The following DACH2 variants were observed in gnomAD, a reference collection of about 807,000 sequenced individuals.
DACH2 encodes dachshund homolog 2.
In DACH2, 17 loss-of-function variants were observed where a neutral mutation model predicts 35.8. The observed-to-expected ratio is 0.48, with a 90% CI of 0.33 to 0.71. DACH2 has a LOEUF of 0.71. Ranked by LOEUF, DACH2 falls within the 30% of genes least tolerant of loss-of-function variation. The probability of loss-of-function intolerance (pLI) is 0.02; values close to 1 mark genes in which losing one functional copy is unlikely to be tolerated. For missense variants in DACH2, 469 were observed against 472.7 expected (o/e 0.99, Z 0.07); for synonymous variants, 195 against 177.3 (o/e 1.10, Z -0.79).
chrX:86,182,861 T>C (rs2031544629), intron 1 of DACH2, among the ~76,000 whole-genome samples: 1 of 111,593 alleles, frequency 9.0e-6, no homozygotes, highest in Non-Finnish European at 1.9e-5. Flanking sequence ...TGAGCAGTGG[T>C]TTGTAGTTCT....
At chrX:86,299,611 G>T (rs1265806480) in intron 1 of DACH2, among the ~76,000 whole-genome samples, 1 of 112,061 alleles carries the variant, frequency 8.9e-6, no homozygotes, top group East Asian at 2.8e-4. Context: ...TACCTACAAT[G>T]GGGAAGAGAG....
At chrX:86,649,211 T>G (rs1218107368) in intron 3 of DACH2, among the ~76,000 whole-genome samples, 1 of 111,146 alleles carries the variant, frequency 9.0e-6, no homozygotes, top group Non-Finnish European at 1.9e-5. Flanking sequence ...ACAACGAATT[T>G]TCTTTATCTG....
intron 3 of DACH2, among the ~76,000 whole-genome samples, chrX:86,545,530 C>A (rs1037046897): frequency 9.0e-6 from 1 of 111,622 alleles, no homozygotes; most frequent in African/African-American, 3.3e-5. Context: ...CATATGTACC[C>A]CTGAACTGAA....
chrX:86,438,914 C>T (rs7059778), intron 2 of DACH2, among the ~76,000 whole-genome samples: 9,577 of 111,674 alleles, frequency 0.086, 1,005 homozygotes, highest in African/African-American at 0.3. Context: ...GAGATGGTGT[C>T]TCATTGTGGT....
chrX:86,596,258 T>C (rs905890497), intron 3 of DACH2, among the ~76,000 whole-genome samples: 2 of 112,169 alleles, frequency 1.8e-5, no homozygotes, highest in Non-Finnish European at 3.8e-5. Context: ...GTAGAAATTT[T>C]GGGTCATATG....
intron 2 of DACH2, among the ~76,000 whole-genome samples, chrX:86,407,505 T>C (rs1220573294): frequency 2.7e-5 from 3 of 112,241 alleles, no homozygotes; most frequent in Non-Finnish European, 3.8e-5. Flanking sequence ...GCGAGATCAC[T>C]GTGGACCAGC....
At chrX:86,775,152 G>A (rs752075011) in intron 7 of DACH2, among the ~76,000 whole-genome samples, 39 of 111,736 alleles carry the variant, frequency 3.5e-4, no homozygotes, top group African/African-American at 5.8e-4. Context: ...AAGAGTAGGC[G>A]CAATGGACTG....
At chrX:86,340,394 A>T (rs1005949986) in intron 1 of DACH2, among the ~76,000 whole-genome samples, 3 of 111,319 alleles carry the variant, frequency 2.7e-5, no homozygotes, top group African/African-American at 9.8e-5. Context: ...ATTATTTCGG[A>T]ACACCACAAA....
rs199630866 is a variant in DACH2, at chrX:86,593,398, T to TTTTTATTTTATTTTATTTTATTTTA, written c.641-57618_641-57594dup. On this transcript the variant is annotated intron_variant, in intron 3 of 11. Coordinates refer to ENST00000373125, the MANE Select transcript of DACH2 (RefSeq NM_053281.3). Reference sequence around the variant, plus strand: ...GATGTAATTCTTTCATATATATATTTTTTTATTTTATTTTATTTTATTTTA... The same window carrying TTTTTATTTTATTTTATTTTATTTTA: ...GATGTAATTCTTTCATATATATATTTTTTTATTTTATTTTATTTTATTTTATTTTATTTTATTTTATTTTATTTTA... 6.3e-3 allele frequency among the ~76,000 whole-genome samples: 572 copies of TTTTTATTTTATTTTATTTTATTTTA among 91,458 alleles called. 44 individuals carry two copies. The highest frequency in any genetic ancestry group is 0.022 in the African/African-American group (431 of 19,652). 79.4% of individuals were successfully genotyped at this position (91,458 alleles called of 115,157 possible).
intron 1 of DACH2, among the ~76,000 whole-genome samples, chrX:86,178,817 C>A (rs185299911): frequency 9.0e-6 from 1 of 111,565 alleles, no homozygotes; most frequent in African/African-American, 3.2e-5. Flanking sequence ...GCTCTTATTT[C>A]TGAAATTGGT....
chrX:86,701,058 T>TA (rs1334220434), intron 5 of DACH2, among the ~76,000 whole-genome samples: 15 of 110,751 alleles, frequency 1.4e-4, no homozygotes, highest in Non-Finnish European at 2.7e-4. Flanking sequence ...CAGTAAAAGG[T>TA]AAAAAGAAAA....
chrX:86,801,412 T>C (rs2042293146), intron 7 of DACH2, among the ~76,000 whole-genome samples: 1 of 111,306 alleles, frequency 9.0e-6, no homozygotes. Context: ...CTCCATATTT[T>C]AGCTAAGACT....
intron 2 of DACH2, among the ~76,000 whole-genome samples, chrX:86,459,640 T>G (rs1404005489): frequency 9.0e-6 from 1 of 111,629 alleles, no homozygotes; most frequent in Admixed American, 9.6e-5. Flanking sequence ...ATAATGTTTA[T>G]TTTTACTTAA....
chrX:86,360,726 C>T (rs114837211), intron 1 of DACH2, among the ~76,000 whole-genome samples: 3,525 of 110,471 alleles, frequency 0.032, 85 homozygotes, highest in East Asian at 0.21. Context: ...AAAAAATTTT[C>T]GTAAAACAAA....
intron 1 of DACH2, among the ~76,000 whole-genome samples, chrX:86,308,539 A>G (rs2034735371): frequency 8.9e-6 from 1 of 112,503 alleles, no homozygotes; most frequent in Admixed American, 9.4e-5. Flanking sequence ...AACTTGAATT[A>G]TAAAAACAGA....
intron 4 of DACH2, among the ~76,000 whole-genome samples, chrX:86,656,034 C>CA (rs1446055748): frequency 2.0e-5 from 2 of 98,991 alleles, no homozygotes; most frequent in Admixed American, 1.1e-4. Context: ...AAAGCTCCCC[C>CA]CCCCCACTAA....
intron 3 of DACH2, among the ~76,000 whole-genome samples, chrX:86,544,734 C>G (rs1405641785): frequency 1.8e-5 from 2 of 111,788 alleles, no homozygotes; most frequent in African/African-American, 6.5e-5. Context: ...ACAACACAAA[C>G]AGGTCTGCAT....
rs1301175806 is a variant in DACH2 at position 86,451,330 on chromosome X, C to T, written c.528-62949C>T. Among the ~76,000 whole-genome samples, 4 of 111,620 alleles carry T rather than the reference C, an allele frequency of 3.6e-5. No individual in the cohort carries two copies. In the South Asian group the frequency reaches 1.5e-3, roughly 41 times the overall value. ...TAAATAGGTAATTCTTTCCCCATTG[C>T]TTATTTTTGTCAGGTTTGTTGAAGA... On this transcript the variant is annotated intron_variant, in intron 2 of 11. Coordinates refer to ENST00000373125, the MANE Select transcript of DACH2 (RefSeq NM_053281.3).
intron 4 of DACH2, among the ~76,000 whole-genome samples, chrX:86,678,186 A>T (rs1239822997): frequency 1.8e-5 from 2 of 112,432 alleles, no homozygotes; most frequent in Non-Finnish European, 3.8e-5. Context: ...ACATTTTTAG[A>T]TAGTATATTC....
Sources: allele counts gnomAD v4.1 joint callset (sites outside exome capture counted in the v4.1 genomes callset), GRCh38; gene constraint gnomAD v4.1.1; transcripts MANE v1.5; gene names NCBI Gene and HGNC (gene_info 2026-07-23, HGNC 2026-07-21).